IQUB: variants seen among roughly 807,000 people sequenced by gnomAD.
The protein encoded by IQUB is IQ motif and ubiquitin-like domain-containing protein.
A neutral mutation model predicts 86.4 loss-of-function variants in IQUB; 86 were observed. That is an observed-to-expected ratio of 1.00 (90% confidence interval 0.84 to 1.19). The LOEUF is 1.19. Ranked by LOEUF, IQUB falls within the 50% of genes most tolerant of loss-of-function variation. IQUB has a pLI of 0.00. For synonymous variants in IQUB, 289 were observed against 304.5 expected, an observed-to-expected ratio of 0.95 and a Z score of 0.53; for missense variants, 946 against 916.9, an observed-to-expected ratio of 1.03 and a Z score of -0.41.
chr7:123,485,889 T>A (rs1472407442), intron 7 of IQUB, among the ~76,000 whole-genome samples: 1 of 152,156 alleles, frequency 6.6e-6, no homozygotes, highest in Non-Finnish European at 1.5e-5. Flanking sequence ...TCAAGCCCAA[T>A]CTGTGCTGTC....
intron 6 of IQUB, among the ~76,000 whole-genome samples, chr7:123,499,214 G>A (rs904811450): frequency 3.3e-5 from 5 of 151,968 alleles, no homozygotes; most frequent in Non-Finnish European, 7.4e-5. Flanking sequence ...GGGTTCAAGT[G>A]ATTCTCATGC....
Position 123,452,693 on chromosome 7 carries a change from T to C in IQUB, c.*50A>G, listed in dbSNP as rs1248032237. On this transcript the variant is annotated 3_prime_UTR_variant, in exon 13 of 13. Coordinates refer to ENST00000324698, the MANE Select transcript of IQUB (RefSeq NM_178827.5). ...ATACTCTGTGACCTCTGTATTACCC[T>C]ATTAGCAGTGAACAAAATGCCGATC... The C allele has an allele frequency of 2.3e-6, 3 of 1,297,804 alleles. No homozygotes were observed. Among genetic ancestry groups the C allele is most frequent in the Non-Finnish European group, 3.3e-6 (3 of 905,214 alleles). 80.4% of individuals were successfully genotyped at this position (1,297,804 alleles called of 1,614,324 possible).
chr7:123,526,657 G>T (rs1797228164), intron 1 of IQUB, among the ~76,000 whole-genome samples: 1 of 151,066 alleles, frequency 6.6e-6, no homozygotes, highest in African/African-American at 2.4e-5. Context: ...TATCCAATTT[G>T]CCAGTCTGTG....
At position 123,464,828 on chromosome 7, in the gene IQUB, A is replaced by G. The variant is rs780090509; in HGVS notation, c.1758+5T>C. The G allele has an allele frequency of 8.5e-6, 13 of 1,534,636 alleles. No individual in the cohort carries two copies. Among genetic ancestry groups the G allele is most frequent in the Admixed American group, 2.2e-5 (1 of 45,914 alleles). ...AACAGGAATATAGAGAAAAATGTAG[A>G]ATACCTTAAGGTATTTTGCAACTTC... is the stretch of plus-strand genomic sequence containing the variant. On this transcript the variant is annotated splice_donor_5th_base_variant and intron_variant, in intron 10 of 12. Coordinates refer to ENST00000324698, the MANE Select transcript of IQUB (RefSeq NM_178827.5).
intron 7 of IQUB, among the ~76,000 whole-genome samples, chr7:123,492,295 A>G (rs1335228035): frequency 6.6e-6 from 1 of 152,252 alleles, no homozygotes; most frequent in Non-Finnish European, 1.5e-5. Flanking sequence ...CAAATGCTAA[A>G]GGAACGACTG....
rs1413561122 is a variant in IQUB at position 123,461,474 on chromosome 7, G to C, written c.1890C>G (p.Asn630Lys). 2 of 1,612,356 alleles carry C rather than the reference G, an allele frequency of 1.2e-6. No homozygotes were observed. Among genetic ancestry groups the C allele is most frequent in the African/African-American group, 2.7e-5 (2 of 74,786 alleles). The stretch of plus-strand genomic sequence containing the variant: ...CTCGTTTTTGAGCCTCATTCTGAAG[G>C]TTAATGCAGTTACGACACCGGTATA... ...RRIYRCRNCI[N>K]LQNEAQKRES... The change falls in exon 11 of 13, where the codon AAC (asparagine) becomes AAG (lysine). Residue 630 changes from asparagine (N) to lysine (K), a missense_variant. Coordinates refer to ENST00000324698, the MANE Select transcript of IQUB (RefSeq NM_178827.5).
chr7:123,513,057 T>C (rs1525621), intron 1 of IQUB, among the ~76,000 whole-genome samples: 17,155 of 151,844 alleles, frequency 0.11, 1,168 homozygotes, highest in Middle Eastern at 0.18. Context: ...GAAGGGAAAA[T>C]AGGGAAGGTA....
intron 2 of IQUB, 145 bp downstream of exon 2, chr7:123,511,799 T>C (rs1796425534): frequency 3.5e-6 from 2 of 574,954 alleles, no homozygotes; most frequent in East Asian, 5.8e-5. Flanking sequence ...ATTCAAGCTA[T>C]GTAACTCTGG....
intron 9 of IQUB, among the ~76,000 whole-genome samples, chr7:123,466,761 G>A (rs974022346): frequency 1.3e-5 from 2 of 152,074 alleles, no homozygotes; most frequent in African/African-American, 4.8e-5. Flanking sequence ...AGCTCACTTA[G>A]ATGGACCTAA....
chr7:123,517,808 C>G (rs1272093258), intron 1 of IQUB, among the ~76,000 whole-genome samples: 1 of 152,144 alleles, frequency 6.6e-6, no homozygotes, highest in Non-Finnish European at 1.5e-5. Flanking sequence ...GTCTTTCCTA[C>G]AGCCAGCAAG....
chr7:123,469,203 A>G lies in IQUB; in HGVS notation c.1581+11T>C. The G allele has an allele frequency of 6.8e-7, 1 of 1,463,288 alleles. No individual in the cohort carries two copies. Among genetic ancestry groups the G allele is most frequent in the South Asian group, 1.6e-5 (1 of 63,892 alleles). The allele number at this position is 1,463,288 out of a possible 1,614,324, so 90.6% of individuals were successfully genotyped here. A position where few individuals can be genotyped will look rare whatever the true frequency, so the allele number is the denominator to read the frequency against. On this transcript the variant is annotated intron_variant, in intron 9 of 12. Coordinates refer to ENST00000324698, the MANE Select transcript of IQUB (RefSeq NM_178827.5). ...GAACTCTACCCCCAAACTAAGAGAAAGTTAACATACCTTTACAGTGTGTTT... is the reference window on the plus strand; with the variant it reads ...GAACTCTACCCCCAAACTAAGAGAAGGTTAACATACCTTTACAGTGTGTTT...
rs188080455 is a variant in IQUB at position 123,494,134 on chromosome 7, G to A, written c.1234+2562C>T. On this transcript the variant is annotated intron_variant, in intron 7 of 12. Coordinates refer to ENST00000324698, the MANE Select transcript of IQUB (RefSeq NM_178827.5). ...CTTAGCACCTTTTTTTCCAAGTAAT[G>A]GCCCTAGTGACAATTCAGAACGATA... Among the ~76,000 whole-genome samples, 449 of 151,946 alleles carry A rather than the reference G, an allele frequency of 3.0e-3. 2 individuals are homozygous for A. Among genetic ancestry groups the A allele is most frequent in the Non-Finnish European group, 4.9e-3 (336 of 67,972 alleles).
chr7:123,524,003 C>A (rs1481747907), intron 1 of IQUB, among the ~76,000 whole-genome samples: 2 of 151,264 alleles, frequency 1.3e-5, no homozygotes, highest in African/African-American at 4.9e-5. Flanking sequence ...TGTCAAAGAT[C>A]AGATAGTTGT....
At chr7:123,465,052 C>T in intron 9 of IQUB, 43 bp from the exon 10 acceptor site, 1 of 1,266,806 alleles carries the variant, frequency 7.9e-7, no homozygotes. Flanking sequence ...TTTTACAAAT[C>T]ACTAAGTTCA....
At chr7:123,524,372 T>C (rs1354212431) in intron 1 of IQUB, among the ~76,000 whole-genome samples, 1 of 150,024 alleles carries the variant, frequency 6.7e-6, no homozygotes, top group Non-Finnish European at 1.5e-5. Context: ...TATCCTCTTT[T>C]ATTTCCTTGA....
chr7:123,460,779 A>G (rs1793941312), intron 11 of IQUB, among the ~76,000 whole-genome samples: 1 of 151,906 alleles, frequency 6.6e-6, no homozygotes, highest in African/African-American at 2.4e-5. Flanking sequence ...TTAAGTTAGG[A>G]ATTCAGGTCA....
chr7:123,465,598 A>G (rs1794215513), intron 9 of IQUB, among the ~76,000 whole-genome samples: 1 of 152,062 alleles, frequency 6.6e-6, no homozygotes. Context: ...GCCACAAGTA[A>G]CAAGCGATTA....
In IQUB at chr7:123,469,329, GTATCCA is replaced by G; in HGVS notation, c.1460_1465del (p.Met487_Asp488del). 1 of 1,607,028 alleles carries G rather than the reference GTATCCA, an allele frequency of 6.2e-7. No individual in the cohort carries two copies. The highest frequency in any genetic ancestry group is 8.5e-7 in the Non-Finnish European group (1 of 1,176,052). On this transcript the variant is annotated inframe_deletion, in exon 9 of 13. Coordinates refer to ENST00000324698, the MANE Select transcript of IQUB (RefSeq NM_178827.5). Reference sequence around the variant, plus strand: ...CTCTCTGGCTCTGATGGTGAACTGCGTATCCATCTCAATTGTTTTGCCATTAGGGGT... The same window carrying G: ...CTCTCTGGCTCTGATGGTGAACTGCGTCTCAATTGTTTTGCCATTAGGGGT...
rs750055199 is a variant in IQUB, at chr7:123,496,697, T to C, written c.1233A>G (p.Glu411=). Residue 411 remains glutamate (E), a splice_region_variant and synonymous_variant, in exon 7 of 13, where the codon GAA becomes GAG. Coordinates refer to ENST00000324698, the MANE Select transcript of IQUB (RefSeq NM_178827.5). ...TTGCAAAGCCTGTGTCCAACTTACATTCTAATGCATTATAAAGAAATTCAA... is the reference window on the plus strand; with the variant it reads ...TTGCAAAGCCTGTGTCCAACTTACACTCTAATGCATTATAAAGAAATTCAA... The part of the protein sequence containing the change: ...EDFEFLYNAL[E]FWRQEELTRI... 2 of 1,576,406 alleles carry C rather than the reference T, an allele frequency of 1.3e-6. No homozygotes were observed. The highest frequency in any genetic ancestry group is 1.8e-5 in the Admixed American group (1 of 56,968).
Sources: gnomAD v4.1 joint callset for allele counts (sites outside exome capture counted in the v4.1 genomes callset) on GRCh38, gnomAD v4.1.1 for gene constraint, MANE v1.5 for transcripts, NCBI Gene and HGNC (gene_info 2026-07-23, HGNC 2026-07-21) for gene names.